PLAG1: variants seen among roughly 807,000 people sequenced by gnomAD.
PLAG1 encodes the protein PLAG1 zinc finger.
In PLAG1, 7 loss-of-function variants were observed where a neutral mutation model predicts 35.5. The observed-to-expected ratio is 0.20, with a 90% CI of 0.11 to 0.37. The LOEUF (loss-of-function observed/expected upper bound fraction) is 0.37, where lower values mean the gene tolerates loss of function less well. PLAG1 is among the 10% of genes least tolerant of loss of function. The pLI is 1.00. For synonymous variants in PLAG1, 229 were observed against 225.4 expected, an observed-to-expected ratio of 1.02 and a Z score of -0.14; for missense variants, 454 against 602.8, an observed-to-expected ratio of 0.75 and a Z score of 2.58.
chr8:56,175,879 C>G (rs1811672196), intron 2 of PLAG1, among the ~76,000 whole-genome samples: 1 of 152,062 alleles, frequency 6.6e-6, no homozygotes, highest in African/African-American at 2.4e-5. Context: ...CACTCATTTT[C>G]TAGAGTAGCC....
At chr8:56,210,297 T>C (rs1413839607) in intron 1 of PLAG1, among the ~76,000 whole-genome samples, 1 of 152,076 alleles carries the variant, frequency 6.6e-6, no homozygotes, top group East Asian at 1.9e-4. Context: ...AAAATTTTTA[T>C]TTGGTTATAT....
rs183694776 is a variant in PLAG1 at position 56,191,644 on chromosome 8, T to C, written c.-321-12131A>G. ...AATCCTTTTTTTTTTAAAGGCAAAT[T>C]GTTGGGTAATGTGAATAATTACTCC... On this transcript the variant is annotated intron_variant, in intron 1 of 4. Transcript: ENST00000316981. Among the ~76,000 whole-genome samples, 418 of 152,046 alleles carry C rather than the reference T, an allele frequency of 2.7e-3. 2 individuals carry two copies. The highest frequency in any genetic ancestry group is 9.6e-3 in the African/African-American group (397 of 41,474).
rs1249629353 is a variant in PLAG1 at position 56,168,281 on chromosome 8, C to T, written c.-12G>A. 2 of 1,601,240 alleles carry T rather than the reference C, an allele frequency of 1.2e-6. No homozygotes were observed. The highest frequency in any genetic ancestry group is 1.7e-6 in the Non-Finnish European group (2 of 1,172,166). Reference sequence around the variant, plus strand: ...ATGACAGTGGCCATCGCAGCCTAAACCAGGCCTTCTTGTTGGACACTTGGG... The same window carrying T: ...ATGACAGTGGCCATCGCAGCCTAAATCAGGCCTTCTTGTTGGACACTTGGG... On this transcript the variant is annotated 5_prime_UTR_variant, in exon 4 of 5. Transcript: ENST00000316981.
intron 2 of PLAG1, among the ~76,000 whole-genome samples, chr8:56,172,134 G>T (rs1001722535): frequency 6.6e-6 from 1 of 152,122 alleles, no homozygotes; most frequent in African/African-American, 2.4e-5. Flanking sequence ...TTAATGACAG[G>T]TTAAATAAAA....
Position 56,166,156 on chromosome 8 carries a change from C to T in PLAG1, c.*87G>A, listed in dbSNP as rs892730014. 1.2e-5 allele frequency: 11 copies of T among 891,880 alleles called. No homozygotes were observed. Among genetic ancestry groups the T allele is most frequent in the Non-Finnish European group, 1.8e-5 (11 of 601,060 alleles). 55.2% of individuals were successfully genotyped at this position (891,880 alleles called of 1,614,324 possible). A position where few individuals can be genotyped will look rare whatever the true frequency, so the allele number is the denominator to read the frequency against. On this transcript the variant is annotated 3_prime_UTR_variant, in exon 5 of 5. Coordinates refer to ENST00000316981, the MANE Select transcript of PLAG1 (RefSeq NM_002655.3). ...TTATACAAAAGCAGAAATTTTTATA[C>T]TGTTTTAAAGTAGGCACTAAAATAA...
At position 56,162,203 on chromosome 8, in the gene PLAG1, C is replaced by T. The variant is rs1195536975; in HGVS notation, c.*4040G>A. On this transcript the variant is annotated 3_prime_UTR_variant, in exon 5 of 5. Coordinates refer to ENST00000316981, the MANE Select transcript of PLAG1 (RefSeq NM_002655.3). ...AAATTCAACTTAGGCACACATTTAC[C>T]AGAACTAACAGCCAGCCATTGCTAA... 1.3e-5 allele frequency: 3 copies of T among 228,594 alleles called. No homozygotes were observed. Among genetic ancestry groups the T allele is most frequent in the Admixed American group, 5.7e-5 (1 of 17,618 alleles). The allele number at this position is 228,594 out of a possible 1,614,324, so 14.2% of individuals were successfully genotyped here.
intron 1 of PLAG1, among the ~76,000 whole-genome samples, chr8:56,193,093 A>C (rs1031734095): frequency 4.6e-5 from 7 of 152,182 alleles, no homozygotes; most frequent in Non-Finnish European, 8.8e-5. Context: ...CTAGATATTA[A>C]GGAATTATTG....
At chr8:56,189,985 G>A (rs1193629619) in intron 1 of PLAG1, among the ~76,000 whole-genome samples, 1 of 152,138 alleles carries the variant, frequency 6.6e-6, no homozygotes. Context: ...GGAGATGGAA[G>A]GGCTGCAGGA....
Position 56,163,673 on chromosome 8 carries a change from G to GTGTGTA in PLAG1, c.*2569_*2570insTACACA, listed in dbSNP as rs1554531921. 1,101 of 186,568 alleles carry GTGTGTA rather than the reference G, an allele frequency of 5.9e-3. 13 individuals carry two copies. Among genetic ancestry groups the GTGTGTA allele is most frequent in the African/African-American group, 0.024 (1,001 of 41,586 alleles). 11.6% of individuals were successfully genotyped at this position (186,568 alleles called of 1,614,324 possible). ...AAGATTTAAGTATGTGTGTGTGTGT[G>GTGTGTA]TATATATACACACACACACACACAC... On this transcript the variant is annotated 3_prime_UTR_variant, in exon 5 of 5. Transcript: ENST00000316981.
chr8:56,192,702 G>C (rs1812223115), intron 1 of PLAG1, among the ~76,000 whole-genome samples: 1 of 152,176 alleles, frequency 6.6e-6, no homozygotes. Flanking sequence ...ATGTTATCAT[G>C]ATTGCTTATG....
chr8:56,173,850 C>T (rs977165078), intron 2 of PLAG1, among the ~76,000 whole-genome samples: 4 of 152,002 alleles, frequency 2.6e-5, no homozygotes, highest in African/African-American at 7.2e-5. Flanking sequence ...ATTTATCTTC[C>T]GATGTTTTAC....
chr8:56,176,945 GAAT>G (rs1330751894), intron 2 of PLAG1, among the ~76,000 whole-genome samples: 2 of 152,082 alleles, frequency 1.3e-5, no homozygotes, highest in Admixed American at 1.3e-4. Context: ...CGCAAATACA[GAAT>G]AATCCAGATT....
chr8:56,189,327 T>G (rs1001194208), intron 1 of PLAG1, among the ~76,000 whole-genome samples: 1 of 152,240 alleles, frequency 6.6e-6, no homozygotes, highest in Non-Finnish European at 1.5e-5. Flanking sequence ...CTTTCTTGAC[T>G]TGGCCCACCC....
At chr8:56,182,224 G>A (rs1018478356) in intron 1 of PLAG1, among the ~76,000 whole-genome samples, 1 of 152,184 alleles carries the variant, frequency 6.6e-6, no homozygotes, top group Non-Finnish European at 1.5e-5. Context: ...ATATGTGTTG[G>A]AGTTATCCAA....
chr8:56,208,224 C>T (rs1812750658), intron 1 of PLAG1, among the ~76,000 whole-genome samples: 1 of 152,022 alleles, frequency 6.6e-6, no homozygotes, highest in Admixed American at 6.5e-5. Context: ...ACAATGAAAA[C>T]GTAAGATAAA....
intron 1 of PLAG1, among the ~76,000 whole-genome samples, chr8:56,199,983 C>T (rs528486530): frequency 2.0e-5 from 3 of 152,286 alleles, no homozygotes; most frequent in Admixed American, 6.5e-5. Context: ...ACCCTCTCAA[C>T]GGAATAAAAC....
At chr8:56,174,410 TTG>T (rs1418420784) in intron 2 of PLAG1, among the ~76,000 whole-genome samples, 7 of 152,320 alleles carry the variant, frequency 4.6e-5, no homozygotes, top group African/African-American at 1.4e-4. Flanking sequence ...TCTGCATAAT[TTG>T]TAAATTTTTA....
chr8:56,208,447 G>A (rs1372354197), intron 1 of PLAG1, among the ~76,000 whole-genome samples: 2 of 152,104 alleles, frequency 1.3e-5, no homozygotes, highest in Non-Finnish European at 2.9e-5. Context: ...ACTCAAACAC[G>A]TTACTGATGT....
intron 2 of PLAG1, chr8:56,177,916 C>T (rs568644793): frequency 7.6e-4 from 212 of 278,856 alleles, no homozygotes; most frequent in Middle Eastern, 1.8e-3. Context: ...GGAGAGGCGT[C>T]ACCTGCTTCG....
Sources: allele counts gnomAD v4.1 joint callset (sites outside exome capture counted in the v4.1 genomes callset), GRCh38; gene constraint gnomAD v4.1.1; transcripts MANE v1.5; gene names NCBI Gene and HGNC (gene_info 2026-07-23, HGNC 2026-07-21).